NR3C2: variants seen among roughly 807,000 people sequenced by gnomAD.
NR3C2 encodes the protein mineralocorticoid receptor.
NR3C2 carries 15 observed loss-of-function variants against 86.4 expected under a neutral mutation model. The ratio of observed to expected loss-of-function variants is 0.17; its 90% CI spans 0.12 to 0.27. The LOEUF is 0.27. NR3C2 is among the 10% of genes least tolerant of loss of function. NR3C2 has a pLI of 1.00. For synonymous variants in NR3C2, 458 were observed against 450.5 expected, an observed-to-expected ratio of 1.02 and a Z score of -0.21; for missense variants, 960 against 1,195.6, an observed-to-expected ratio of 0.80 and a Z score of 2.91.
At chr4:148,310,291 G>C (rs144080496) in intron 2 of NR3C2, among the ~76,000 whole-genome samples, 151 of 152,148 alleles carry the variant, frequency 9.9e-4, no homozygotes, top group African/African-American at 3.2e-3. Flanking sequence ...TTATACCCAA[G>C]GCTCCATGTA....
In NR3C2 at chr4:148,366,440, T is replaced by TAAAAAG. The variant is rs1186472283; in HGVS notation, c.1757+68663_1757+68664insCTTTTT. ...TCACTCCTTGAAAAAGAATACTTTT[T>TAAAAAG]TAAAAGTACTTTTAAAAAAGAATAC... On this transcript the variant is annotated intron_variant, in intron 2 of 8. Transcript: ENST00000358102. Among the ~76,000 whole-genome samples the TAAAAAG allele has an allele frequency of 4.4e-3, 657 of 150,238 alleles. 15 individuals are homozygous for TAAAAAG. Among genetic ancestry groups the TAAAAAG allele is most frequent in the South Asian group, 9.9e-3 (47 of 4,770 alleles).
At chr4:148,286,626 G>C (rs1306633665) in intron 2 of NR3C2, among the ~76,000 whole-genome samples, 1 of 152,164 alleles carries the variant, frequency 6.6e-6, no homozygotes, top group African/African-American at 2.4e-5. Flanking sequence ...TCACAGATCA[G>C]TTTAACCAGG....
intron 3 of NR3C2, among the ~76,000 whole-genome samples, chr4:148,218,138 T>C (rs1344931311): frequency 6.6e-6 from 1 of 152,218 alleles, no homozygotes; most frequent in African/African-American, 2.4e-5. Context: ...GTGTCTGCAG[T>C]GTGTTAAGGC....
intron 5 of NR3C2, among the ~76,000 whole-genome samples, chr4:148,153,619 G>A (rs1211285952): frequency 6.6e-6 from 1 of 152,156 alleles, no homozygotes; most frequent in Non-Finnish European, 1.5e-5. Context: ...CTGACCACAG[G>A]TAATCTAAGA....
At chr4:148,320,604 G>A (rs1277539692) in intron 2 of NR3C2, among the ~76,000 whole-genome samples, 22 of 149,500 alleles carry the variant, frequency 1.5e-4, no homozygotes, top group Non-Finnish European at 2.5e-4. Flanking sequence ...TTTAGTCTTG[G>A]GAGAGTGTAT....
intron 2 of NR3C2, among the ~76,000 whole-genome samples, chr4:148,363,344 A>T: frequency 6.6e-6 from 1 of 152,062 alleles, no homozygotes; most frequent in East Asian, 1.9e-4. Context: ...CAGAATTTGG[A>T]CCTGTCAGAA....
chr4:148,377,853 T>C (rs1022380799), intron 2 of NR3C2, among the ~76,000 whole-genome samples: 8 of 152,168 alleles, frequency 5.3e-5, no homozygotes, highest in African/African-American at 1.9e-4. Flanking sequence ...CTCGGGGATA[T>C]AAGCATTAGG....
chr4:148,303,321 A>C (rs533881048), intron 2 of NR3C2, among the ~76,000 whole-genome samples: 1 of 152,314 alleles, frequency 6.6e-6, no homozygotes, highest in South Asian at 2.1e-4. Flanking sequence ...AGGGATGGGT[A>C]ATGTATATAT....
chr4:148,080,998 C>A lies in NR3C2; in HGVS notation c.*346G>T. On this transcript the variant is annotated 3_prime_UTR_variant, in exon 9 of 9. Coordinates refer to ENST00000358102, the MANE Select transcript of NR3C2 (RefSeq NM_000901.5). Reference sequence around the variant, plus strand: ...AGTCCTTGAACCCTTTTAAAACAAGCGAACGATACCAGAAACTACACGGCA... The same window carrying A: ...AGTCCTTGAACCCTTTTAAAACAAGAGAACGATACCAGAAACTACACGGCA... 1 of 356,204 alleles carries A rather than the reference C, an allele frequency of 2.8e-6. No homozygotes were observed. The highest frequency in any genetic ancestry group is 5.5e-6 in the Non-Finnish European group (1 of 183,184). 22.1% of individuals were successfully genotyped at this position (356,204 alleles called of 1,614,324 possible). A position where few individuals can be genotyped will look rare whatever the true frequency, so the allele number is the denominator to read the frequency against.
At chr4:148,117,149 G>A (rs1458247886) in intron 7 of NR3C2, among the ~76,000 whole-genome samples, 1 of 152,196 alleles carries the variant, frequency 6.6e-6, no homozygotes, top group African/African-American at 2.4e-5. Context: ...GGGAGATGGG[G>A]CTGGGTGTAA....
rs186309103 is a variant in NR3C2 at position 148,078,934 on chromosome 4, A to G, written c.*2410T>C. 7.5e-4 allele frequency: 114 copies of G among 152,790 alleles called. No homozygotes were observed. In the East Asian group the frequency reaches 0.014, roughly 19 times the overall value. The allele number at this position is 152,790 out of a possible 1,614,324, so 9.5% of individuals were successfully genotyped here. ...GTACCAAACCAAGATTTTTAAGAGCAATATGGTACAAAAATAAGAGCAGAC... is the reference window on the plus strand; with the variant it reads ...GTACCAAACCAAGATTTTTAAGAGCGATATGGTACAAAAATAAGAGCAGAC... On this transcript the variant is annotated 3_prime_UTR_variant, in exon 9 of 9. Transcript: ENST00000358102.
In NR3C2 at chr4:148,210,088, C is replaced by G. The variant is rs551204602; in HGVS notation, c.1898-15226G>C. Among the ~76,000 whole-genome samples the G allele has an allele frequency of 4.6e-5, 7 of 152,228 alleles. No individual in the cohort carries two copies. In the South Asian group the frequency reaches 1.5e-3, roughly 32 times the overall value. ...TCCTGGGAGGAGGGTCTGGATGGGT[C>G]ACATTCTAGAGGACAGTCTCTTTTT... On this transcript the variant is annotated intron_variant, in intron 3 of 8. Coordinates refer to ENST00000358102, the MANE Select transcript of NR3C2 (RefSeq NM_000901.5).
intron 2 of NR3C2, among the ~76,000 whole-genome samples, chr4:148,283,643 G>T (rs1205842623): frequency 6.6e-6 from 1 of 152,140 alleles, no homozygotes; most frequent in Non-Finnish European, 1.5e-5. Context: ...AGTTCAGTTG[G>T]CAAAAGGCCC....
At chr4:148,271,584 C>T (rs1023038929) in intron 2 of NR3C2, among the ~76,000 whole-genome samples, 4 of 151,992 alleles carry the variant, frequency 2.6e-5, no homozygotes, top group Non-Finnish European at 5.9e-5. Context: ...ATGTCTTGCA[C>T]GCTACTCTAT....
intron 4 of NR3C2, among the ~76,000 whole-genome samples, chr4:148,189,077 C>T (rs533555482): frequency 1.6e-4 from 24 of 151,958 alleles, no homozygotes; most frequent in East Asian, 3.9e-4. Context: ...TACAGGTGCG[C>T]GCCACCACCC....
At chr4:148,097,751 G>GTTTTTTTTTTT (rs553156519) in intron 8 of NR3C2, among the ~76,000 whole-genome samples, 4 of 102,906 alleles carry the variant, frequency 3.9e-5, no homozygotes, top group East Asian at 3.0e-4. Flanking sequence ...GTTTTTTTTT[G>GTTTTTTTTTTT]TTTTTTTTTT....
chr4:148,183,019 T>C (rs1208905972), intron 4 of NR3C2, among the ~76,000 whole-genome samples: 2 of 152,196 alleles, frequency 1.3e-5, no homozygotes. Context: ...CCCCACCCTA[T>C]GTCCAAGTGT....
At chr4:148,401,467 T>TC (rs1748159149) in intron 2 of NR3C2, among the ~76,000 whole-genome samples, 1 of 148,240 alleles carries the variant, frequency 6.7e-6, no homozygotes, top group Non-Finnish European at 1.5e-5. Context: ...GTCTCTTTTT[T>TC]TTTTTTTTTT....
At chr4:148,434,481 G>A (rs1439613095) in intron 2 of NR3C2, among the ~76,000 whole-genome samples, 2 of 152,122 alleles carry the variant, frequency 1.3e-5, no homozygotes, top group African/African-American at 4.8e-5. Flanking sequence ...AAGAAAGCAA[G>A]ATTGTCCACT....
Sources: gnomAD v4.1 joint callset for allele counts (sites outside exome capture counted in the v4.1 genomes callset) on GRCh38, gnomAD v4.1.1 for gene constraint, MANE v1.5 for transcripts, NCBI Gene and HGNC (gene_info 2026-07-23, HGNC 2026-07-21) for gene names.